The following FOLH1 variants were observed in gnomAD, a reference collection of about 807,000 sequenced individuals.
FOLH1 encodes the protein folate hydrolase 1, also known as glutamate carboxypeptidase 2.
Under a neutral mutation model 93.9 loss-of-function variants are expected in FOLH1, and 54 were observed. The observed-to-expected ratio is 0.57, with a 90% CI of 0.46 to 0.72. The LOEUF is 0.72. Ranked by LOEUF, FOLH1 falls within the 30% of genes least tolerant of loss-of-function variation. The pLI, the probability that FOLH1 is intolerant of heterozygous loss-of-function variation, is 0.00. For missense variants in FOLH1, 571 were observed against 892.5 expected, an observed-to-expected ratio of 0.64 and a Z score of 4.59; for synonymous variants, 249 against 303.6, an observed-to-expected ratio of 0.82 and a Z score of 1.87.
Position 49,208,552 on chromosome 11 carries a change from C to G in FOLH1, c.-143G>C. On this transcript the variant is annotated 5_prime_UTR_variant, in exon 1 of 19. Transcript: ENST00000256999. ...TCAGCCCTGCAGGCTGGAATTCGCT[C>G]CAGACCTGGGGTCCAGTTTCTCCAC... is the stretch of plus-strand genomic sequence containing the variant. 1.8e-6 allele frequency: 1 copy of G among 569,256 alleles called. No homozygotes were observed. The allele number at this position is 569,256 out of a possible 1,614,324, so 35.3% of individuals were successfully genotyped here. A position where few individuals can be genotyped will look rare whatever the true frequency, so the allele number is the denominator to read the frequency against.
chr11:49,189,791 C>T, intron 4 of FOLH1, among the ~76,000 whole-genome samples: 1 of 151,848 alleles, frequency 6.6e-6, no homozygotes, highest in Non-Finnish European at 1.5e-5. Flanking sequence ...GCAAAGCATA[C>T]ATTATATTAA....
chr11:49,146,238 A>C lies in FOLH1; in HGVS notation c.*518T>G, dbSNP rs1273360156. Among the ~76,000 whole-genome samples the C allele has an allele frequency of 6.6e-6, 1 of 152,222 alleles. No homozygotes were observed. The highest frequency in any genetic ancestry group is 1.9e-4 in the East Asian group (1 of 5,198). On this transcript the variant is annotated 3_prime_UTR_variant, in exon 19 of 19. Coordinates refer to ENST00000256999, the MANE Select transcript of FOLH1 (RefSeq NM_004476.3). ...TATACTATAGCCTTTTATATAAATA[A>C]AAAATAATTATTTCTTATGCTATAG...
chr11:49,183,039 C>A (rs1158970321), intron 7 of FOLH1, 110 bp downstream of exon 7: 8 of 853,624 alleles, frequency 9.4e-6, no homozygotes, highest in South Asian at 1.9e-5. Context: ...ACAAGCAACA[C>A]CCATGTTGGA....
chr11:49,155,795 CATATATATATATATATATATATATAT>C (rs10526900), intron 15 of FOLH1, among the ~76,000 whole-genome samples: 8 of 52,116 alleles, frequency 1.5e-4, no homozygotes, highest in Non-Finnish European at 3.2e-4. Context: ...AAATGAAAAC[CATATATATATATATATATATATATAT>C]ATATATATAT....
chr11:49,191,814 C>G (rs1458453881), intron 4 of FOLH1, among the ~76,000 whole-genome samples: 1 of 152,248 alleles, frequency 6.6e-6, no homozygotes, highest in Admixed American at 6.5e-5. Context: ...CCTCCTGCCT[C>G]AGCCTCCTGA....
chr11:49,193,935 G>A (rs1862337619), intron 3 of FOLH1, among the ~76,000 whole-genome samples: 1 of 152,084 alleles, frequency 6.6e-6, no homozygotes, highest in African/African-American at 2.4e-5. Context: ...CAAGGTGGGT[G>A]GATCACGAGG....
chr11:49,182,328 C>CAAAAAAA (rs59966842), intron 7 of FOLH1, among the ~76,000 whole-genome samples: 1 of 59,976 alleles, frequency 1.7e-5, no homozygotes, highest in Non-Finnish European at 2.8e-5. Flanking sequence ...GACACTGTCT[C>CAAAAAAA]AAAAAAAAAA....
intron 12 of FOLH1, among the ~76,000 whole-genome samples, chr11:49,168,928 T>C (rs914926514): frequency 6.6e-6 from 1 of 151,372 alleles, no homozygotes. Flanking sequence ...TAGTACTCTA[T>C]ACTTCAAAGC....
intron 13 of FOLH1, among the ~76,000 whole-genome samples, chr11:49,160,466 G>A (rs1326747605): frequency 6.6e-6 from 1 of 151,044 alleles, no homozygotes; most frequent in East Asian, 1.9e-4. Flanking sequence ...TTTTTGAGAC[G>A]GAGTCTCTCT....
At position 49,153,945 on chromosome 11, in the gene FOLH1, A is replaced by T; in HGVS notation, c.1889-18T>A. On this transcript the variant is annotated intron_variant, in intron 16 of 18. Coordinates refer to ENST00000256999, the MANE Select transcript of FOLH1 (RefSeq NM_004476.3). ...AAGTGAATCTGAAATAGAAATTGGG[A>T]TCATCAAATGCTTAAAGAACATAAT... 1.9e-6 allele frequency: 3 copies of T among 1,583,066 alleles called. No individual in the cohort carries two copies. The highest frequency in any genetic ancestry group is 2.6e-6 in the Non-Finnish European group (3 of 1,159,920).
intron 15 of FOLH1, 80 bp from the exon 16 acceptor site, chr11:49,154,572 A>C (rs911779784): frequency 6.5e-7 from 1 of 1,545,504 alleles, no homozygotes; most frequent in African/African-American, 1.4e-5. Flanking sequence ...TATTAGTATT[A>C]GTAAGATTGG....
At chr11:49,190,661 T>C (rs1861929951) in intron 4 of FOLH1, among the ~76,000 whole-genome samples, 1 of 152,208 alleles carries the variant, frequency 6.6e-6, no homozygotes, top group Non-Finnish European at 1.5e-5. Flanking sequence ...TTACAAGCCA[T>C]CCAGATTATT....
chr11:49,170,811 C>T (rs1859169427), intron 11 of FOLH1, among the ~76,000 whole-genome samples: 1 of 152,128 alleles, frequency 6.6e-6, no homozygotes. Flanking sequence ...AAGATATTCA[C>T]TGAAAAGTCT....
At chr11:49,200,194 A>C (rs990158372) in intron 3 of FOLH1, 61 bp downstream of exon 3, 12 of 1,287,508 alleles carry the variant, frequency 9.3e-6, no homozygotes, top group Non-Finnish European at 1.3e-5. Flanking sequence ...ATTTCATAGA[A>C]GGTATTTGAA....
At position 49,208,439 on chromosome 11, in the gene FOLH1, A is replaced by C; in HGVS notation, c.-30T>G. On this transcript the variant is annotated 5_prime_UTR_variant, in exon 1 of 19. Coordinates refer to ENST00000256999, the MANE Select transcript of FOLH1 (RefSeq NM_004476.3). ...GCGCGAGCAGAGCCGGCCTCCCGGG[A>C]CCCGCGCCTGTGCTGCTGCTCTACT... The C allele has an allele frequency of 6.6e-7, 1 of 1,518,142 alleles. No homozygotes were observed. The highest frequency in any genetic ancestry group is 9.0e-7 in the Non-Finnish European group (1 of 1,111,054). The allele number at this position is 1,518,142 out of a possible 1,614,324, so 94.0% of individuals were successfully genotyped here.
At chr11:49,160,451 C>CA (rs1857561809) in intron 13 of FOLH1, among the ~76,000 whole-genome samples, 2 of 150,314 alleles carry the variant, frequency 1.3e-5, no homozygotes, top group South Asian at 4.2e-4. Context: ...ATGTTTTTTT[C>CA]TTTTTTTTTG....
chr11:49,165,252 G>A (rs1016992282), intron 12 of FOLH1, among the ~76,000 whole-genome samples: 4 of 152,044 alleles, frequency 2.6e-5, no homozygotes, highest in African/African-American at 9.7e-5. Flanking sequence ...TTAAGTACTT[G>A]TCTTTTTATT....
At chr11:49,149,833 T>C (rs1480876226) in intron 17 of FOLH1, among the ~76,000 whole-genome samples, 2 of 152,184 alleles carry the variant, frequency 1.3e-5, no homozygotes, top group Non-Finnish European at 2.9e-5. Context: ...AATGCTAACA[T>C]TTTCAAATGT....
intron 12 of FOLH1, among the ~76,000 whole-genome samples, 177 bp downstream of exon 12, chr11:49,169,018 C>T (rs1858844410): frequency 6.6e-6 from 1 of 152,160 alleles, no homozygotes; most frequent in African/African-American, 2.4e-5. Flanking sequence ...AACACCTGTT[C>T]ACCTAGGGCT....
Sources: allele counts gnomAD v4.1 joint callset (sites outside exome capture counted in the v4.1 genomes callset), GRCh38; gene constraint gnomAD v4.1.1; transcripts MANE v1.5; gene names NCBI Gene and HGNC (gene_info 2026-07-23, HGNC 2026-07-21).